Variants in PDK1 observed in about 807,000 individuals in gnomAD.
The protein encoded by PDK1 is [Pyruvate dehydrogenase (acetyl-transferring)] kinase isozyme 1, mitochondrial.
PDK1 carries 39 observed loss-of-function variants against 54.2 expected under a neutral mutation model. That is an observed-to-expected ratio of 0.72 (90% CI 0.56 to 0.94). The LOEUF (loss-of-function observed/expected upper bound fraction) is 0.94, where lower values mean the gene tolerates loss of function less well. Ranked by LOEUF, PDK1 falls within the 40% of genes least tolerant of loss-of-function variation. PDK1 has a pLI of 0.00. For missense variants in PDK1, 552 were observed against 566.0 expected (o/e 0.98, Z 0.25); for synonymous variants, 221 against 207.1 (o/e 1.07, Z -0.58).
the PDK1 span, among the ~76,000 whole-genome samples, chr2:172,631,237 C>A: frequency 1.3e-5 from 2 of 152,220 alleles, no homozygotes; most frequent in African/African-American, 2.4e-5. Context: ...TTTTCTATTT[C>A]ATTCCATCCC....
chr2:172,571,197 A>AT (rs1216081866), intron 8 of PDK1, among the ~76,000 whole-genome samples: 3 of 152,154 alleles, frequency 2.0e-5, no homozygotes, highest in African/African-American at 7.2e-5. Context: ...TACTGGTTTC[A>AT]TTTGATTCTC....
At chr2:172,636,015 G>A in the PDK1 span, among the ~76,000 whole-genome samples, 6 of 152,176 alleles carry the variant, frequency 3.9e-5, no homozygotes, top group Admixed American at 2.6e-4. Context: ...TTTCCCTTGC[G>A]GCCCCACATG....
chr2:172,639,800 AAAAC>A, the PDK1 span, among the ~76,000 whole-genome samples: 150 of 152,296 alleles, frequency 9.8e-4, no homozygotes, highest in African/African-American at 3.3e-3. Flanking sequence ...TCGCTCTCCA[AAAAC>A]AAACAAACAA....
chr2:172,680,061 T>C, the PDK1 span, among the ~76,000 whole-genome samples: 1 of 152,164 alleles, frequency 6.6e-6, no homozygotes, highest in Admixed American at 6.5e-5. Context: ...TCAGGTCCAT[T>C]TTTCTTAGTA....
chr2:172,700,820 G>C, the PDK1 span, among the ~76,000 whole-genome samples: 55 of 152,278 alleles, frequency 3.6e-4, 1 homozygote, highest in East Asian at 0.01. Flanking sequence ...TGGCCAACAC[G>C]GCAAAAACCC....
the PDK1 span, among the ~76,000 whole-genome samples, chr2:172,632,709 C>T: frequency 2.6e-5 from 4 of 151,906 alleles, no homozygotes; most frequent in South Asian, 6.3e-4. Flanking sequence ...TGGCCGGGCA[C>T]GGTGGCTCAC....
Position 172,556,291 on chromosome 2 carries a change from C to G in PDK1, c.141C>G (p.Asp47Glu), listed in dbSNP as rs1242190415. The change falls in exon 1 of 11, where the codon GAC becomes GAG. Residue 47 changes from aspartate to glutamate, a missense_variant. Coordinates refer to ENST00000282077, the MANE Select transcript of PDK1 (RefSeq NM_002610.5). ...AGCGCGGCGTTCCGGGCCAGGTGGACTTCTACGCGCGCTTCTCGCCGTCCC... is the reference window on the plus strand; with the variant it reads ...AGCGCGGCGTTCCGGGCCAGGTGGAGTTCTACGCGCGCTTCTCGCCGTCCC... Reference protein sequence around the residue: ...ASERGVPGQVDFYARFSPSPL... With the variant: ...ASERGVPGQVEFYARFSPSPL... 9.3e-6 allele frequency: 14 copies of G among 1,510,226 alleles called. 1 individual carries two copies. In the East Asian group the frequency reaches 3.9e-4, roughly 42 times the overall value. 93.6% of individuals were successfully genotyped at this position (1,510,226 alleles called of 1,614,324 possible). A position where few individuals can be genotyped will look rare whatever the true frequency, so the allele number is the denominator to read the frequency against.
the PDK1 span, among the ~76,000 whole-genome samples, chr2:172,658,460 G>T: frequency 6.6e-6 from 1 of 152,126 alleles, no homozygotes; most frequent in Non-Finnish European, 1.5e-5. Context: ...ATGTGTGTTT[G>T]AACAATATGA....
chr2:172,600,566 GAC>G lies in PDK1; in HGVS notation c.*4605_*4606del, dbSNP rs1266140406. Reference sequence around the variant, plus strand: ...CATGGCCAAGGAGATCGAGGTCGCAGACACACACAGTTTGGAGCAGGAGTTTA... The same window carrying G: ...CATGGCCAAGGAGATCGAGGTCGCAGACACACAGTTTGGAGCAGGAGTTTA... On this transcript the variant is annotated 3_prime_UTR_variant, in exon 11 of 11. Coordinates refer to ENST00000282077, the MANE Select transcript of PDK1 (RefSeq NM_002610.5). 5.3e-5 allele frequency: 8 copies of G among 152,318 alleles called. No homozygotes were observed. The South Asian group carries it at 6.2e-4, about 12-fold the overall frequency. The allele number at this position is 152,318 out of a possible 1,614,324, so 9.4% of individuals were successfully genotyped here.
chr2:172,703,766 C>CTTT, the PDK1 span, among the ~76,000 whole-genome samples: 334 of 89,110 alleles, frequency 3.7e-3, 8 homozygotes, highest in Admixed American at 6.1e-3. Context: ...TTCTTTCTTT[C>CTTT]TTTTTTTTTT....
chr2:172,706,494 G>A, the PDK1 span, among the ~76,000 whole-genome samples: 2 of 150,438 alleles, frequency 1.3e-5, no homozygotes, highest in South Asian at 2.1e-4. Flanking sequence ...GCACAATCTC[G>A]GCTCACTGCA....
intron 8 of PDK1, among the ~76,000 whole-genome samples, chr2:172,578,737 ATT>A (rs397873817): frequency 9.9e-5 from 14 of 141,182 alleles, no homozygotes; most frequent in African/African-American, 1.0e-4. Context: ...TTGTTTTGTA[ATT>A]TTTTTTTTTT....
chr2:172,709,206 C>T, the PDK1 span, among the ~76,000 whole-genome samples: 2 of 152,198 alleles, frequency 1.3e-5, no homozygotes, highest in Non-Finnish European at 1.5e-5. Context: ...CATCTTTTCT[C>T]CTGGAGTCCT....
chr2:172,570,612 C>A (rs1034020423), intron 7 of PDK1, 114 bp from the exon 8 acceptor site: 1 of 525,504 alleles, frequency 1.9e-6, no homozygotes, highest in Non-Finnish European at 3.3e-6. Context: ...AATTGTGATT[C>A]TTTGGCATAT....
chr2:172,592,904 T>C (rs1473471504), intron 9 of PDK1, 31 bp from the exon 10 acceptor site: 1 of 1,194,590 alleles, frequency 8.4e-7, no homozygotes, highest in East Asian at 2.3e-5. Context: ...TGTGTCTTTC[T>C]GAATAGAATT....
At chr2:172,694,375 T>C in the PDK1 span, among the ~76,000 whole-genome samples, 2 of 152,102 alleles carry the variant, frequency 1.3e-5, no homozygotes, top group Non-Finnish European at 2.9e-5. Context: ...GAATGGAAAA[T>C]AGAAAATAAA....
chr2:172,632,980 CAA>C, the PDK1 span, among the ~76,000 whole-genome samples: 6 of 75,456 alleles, frequency 8.0e-5, no homozygotes, highest in Admixed American at 1.8e-4. Flanking sequence ...GATTCTGTCT[CAA>C]AAAAAAAAAA....
At chr2:172,642,214 C>T in the PDK1 span, among the ~76,000 whole-genome samples, 2 of 152,116 alleles carry the variant, frequency 1.3e-5, no homozygotes, top group Non-Finnish European at 2.9e-5. Context: ...ATGTTATTAA[C>T]GTTAAGACTT....
intron 3 of PDK1, chr2:172,564,113 A>G: frequency 3.4e-5 from 16 of 473,854 alleles, no homozygotes; most frequent in South Asian, 2.3e-4. Context: ...TGCAGAGCAG[A>G]GCAGGTGTTC....
Sources: allele counts gnomAD v4.1 joint callset (sites outside exome capture counted in the v4.1 genomes callset), GRCh38; gene constraint gnomAD v4.1.1; transcripts MANE v1.5; gene names NCBI Gene and HGNC (gene_info 2026-07-23, HGNC 2026-07-21).